ADAMTS9: variants seen among roughly 807,000 people sequenced by gnomAD.
The protein encoded by ADAMTS9 is ADAM metallopeptidase with thrombospondin type 1 motif 9.
A neutral mutation model predicts 257.1 loss-of-function variants in ADAMTS9; 107 were observed. That is an observed-to-expected ratio of 0.42 (90% confidence interval 0.36 to 0.49). The LOEUF (loss-of-function observed/expected upper bound fraction) is 0.49. ADAMTS9 is among the 20% of genes least tolerant of loss of function. The pLI is 0.03. For missense variants in ADAMTS9, 2,353 were observed against 2,469.1 expected (o/e 0.95, Z 1.00); for synonymous variants, 982 against 880.9 (o/e 1.11, Z -2.03).
chr3:64,681,426 C>A, intron 2 of ADAMTS9, 63 bp from the exon 3 acceptor site: 2 of 1,509,638 alleles, frequency 1.3e-6, no homozygotes, highest in South Asian at 2.6e-5. Context: ...GGAAAAAAAC[C>A]AAAAGAACAT....
At chr3:64,647,749 A>G (rs1338388824) in intron 11 of ADAMTS9, among the ~76,000 whole-genome samples, 191 bp downstream of exon 11, 2 of 152,264 alleles carry the variant, frequency 1.3e-5, no homozygotes, top group Non-Finnish European at 2.9e-5. Context: ...CTCTGGTATC[A>G]GCATTATGCT....
At chr3:64,531,669 C>A (rs1463192782) in intron 38 of ADAMTS9, among the ~76,000 whole-genome samples, 1 of 152,144 alleles carries the variant, frequency 6.6e-6, no homozygotes, top group East Asian at 1.9e-4. Context: ...GTCTCACCAC[C>A]TTGCCCAGGC....
intron 22 of ADAMTS9, among the ~76,000 whole-genome samples, chr3:64,612,988 ACT>A (rs2084694401): frequency 1.3e-5 from 2 of 152,208 alleles, no homozygotes; most frequent in Admixed American, 1.3e-4. Context: ...CCTGCCAGAG[ACT>A]CTGGTGCTGG....
intron 20 of ADAMTS9, 26 bp downstream of exon 20, chr3:64,615,934 G>A (rs777103399): frequency 6.2e-7 from 1 of 1,611,648 alleles, no homozygotes; most frequent in East Asian, 2.2e-5. Context: ...CATCCAAGAA[G>A]ACTCTTTGAG....
chr3:64,675,829 T>C (rs930933763), intron 3 of ADAMTS9, among the ~76,000 whole-genome samples: 2 of 152,220 alleles, frequency 1.3e-5, no homozygotes, highest in African/African-American at 2.4e-5. Context: ...ATACCTACCC[T>C]ACAATGCTGA....
chr3:64,662,197 T>A (rs982527793), intron 3 of ADAMTS9, among the ~76,000 whole-genome samples: 1 of 152,140 alleles, frequency 6.6e-6, no homozygotes, highest in East Asian at 1.9e-4. Flanking sequence ...CTGTTTAATT[T>A]CCACATACTT....
At chr3:64,656,096 T>G in intron 4 of ADAMTS9, 2 of 437,096 alleles carry the variant, frequency 4.6e-6, no homozygotes, top group Non-Finnish European at 4.2e-6. Context: ...CAAATTTAAA[T>G]TCCTCTGAAA....
intron 38 of ADAMTS9, among the ~76,000 whole-genome samples, chr3:64,528,378 A>T (rs1225152443): frequency 6.6e-6 from 1 of 152,172 alleles, no homozygotes; most frequent in African/African-American, 2.4e-5. Context: ...GGAGCTTGAA[A>T]TTCTGACATT....
chr3:64,522,284 G>C (rs187502212), intron 38 of ADAMTS9, 24 bp from the exon 39 acceptor site: 23 of 1,608,392 alleles, frequency 1.4e-5, no homozygotes, highest in Admixed American at 1.7e-5. Context: ...CATCATGTTA[G>C]CCTGCCTGCT....
chr3:64,545,753 A>G (rs1276799544), intron 32 of ADAMTS9, among the ~76,000 whole-genome samples: 1 of 152,212 alleles, frequency 6.6e-6, no homozygotes, highest in African/African-American at 2.4e-5. Context: ...AACTTAAAGT[A>G]TAATAATAAA....
chr3:64,520,657 C>T (rs2082838319), intron 39 of ADAMTS9, among the ~76,000 whole-genome samples: 3 of 151,992 alleles, frequency 2.0e-5, no homozygotes, highest in Admixed American at 2.0e-4. Flanking sequence ...CATCTATAAC[C>T]AACTGGACTT....
At chr3:64,539,814 T>C (rs943636800) in intron 36 of ADAMTS9, among the ~76,000 whole-genome samples, 3 of 152,220 alleles carry the variant, frequency 2.0e-5, no homozygotes, top group African/African-American at 7.2e-5. Context: ...CATCTTGAAA[T>C]TATTGACAGC....
At chr3:64,579,774 C>A (rs1452851813) in intron 28 of ADAMTS9, among the ~76,000 whole-genome samples, 1 of 152,154 alleles carries the variant, frequency 6.6e-6, no homozygotes, top group Non-Finnish European at 1.5e-5. Flanking sequence ...TTGTTAGAAC[C>A]AAATAAATAA....
Position 64,681,345 on chromosome 3 carries a change from G to C in ADAMTS9, c.535C>G (p.His179Asp). Residue 179 changes from histidine (H) to aspartate (D), a missense_variant, in exon 3 of 40, where the codon CAT becomes GAT. Transcript: ENST00000498707. ...CSGMLGTFRSHDGDYFIEPLQ... is the reference protein window; with the variant it reads ...CSGMLGTFRSDDGDYFIEPLQ... Reference sequence around the variant, plus strand: ...GGTTCAATAAAATAATCCCCATCATGAGACCGGAATGTGCCCAGCTGCAAA... The same window carrying C: ...GGTTCAATAAAATAATCCCCATCATCAGACCGGAATGTGCCCAGCTGCAAA... 1 of 1,612,660 alleles carries C rather than the reference G, an allele frequency of 6.2e-7. No individual in the cohort carries two copies. Among genetic ancestry groups the C allele is most frequent in the South Asian group, 1.1e-5 (1 of 90,866 alleles).
In ADAMTS9 at chr3:64,658,749, G is replaced by A; in HGVS notation, c.722C>T (p.Ala241Val). Reference protein sequence around the residue: ...RHSKDKKKTRARKWGERINLA... With the variant: ...RHSKDKKKTRVRKWGERINLA... ...GTTAATCCTTTCTCCCCATTTTCTT[G>A]CTCTGGTTTTCTTCTTGTCTTTACT... Residue 241 changes from alanine (A) to valine (V), a missense_variant, in exon 4 of 40, where the codon GCA (alanine) becomes GTA (valine). Physicochemically the swap from Ala to Val is moderately conservative, Grantham distance 64. Coordinates refer to ENST00000498707, the MANE Select transcript of ADAMTS9 (RefSeq NM_182920.2). The A allele has an allele frequency of 6.2e-7, 1 of 1,614,030 alleles. No individual in the cohort carries two copies. Among genetic ancestry groups the A allele is most frequent in the Non-Finnish European group, 8.5e-7 (1 of 1,179,996 alleles).
chr3:64,641,735 G>A (rs933385355), intron 12 of ADAMTS9, 113 bp downstream of exon 12: 18 of 1,398,278 alleles, frequency 1.3e-5, no homozygotes, highest in South Asian at 2.8e-5. Flanking sequence ...TGAAGTTTAC[G>A]TTCTTTCTAG....
chr3:64,585,094 C>T (rs972558811), intron 28 of ADAMTS9, among the ~76,000 whole-genome samples: 1 of 152,044 alleles, frequency 6.6e-6, no homozygotes, highest in Non-Finnish European at 1.5e-5. Flanking sequence ...GAGAGAGGCA[C>T]CCAGTTTGAA....
Position 64,687,726 on chromosome 3 carries a change from A to T in ADAMTS9, c.-69T>A. 1 of 1,252,978 alleles carries T rather than the reference A, an allele frequency of 8.0e-7. No individual in the cohort carries two copies. The highest frequency in any genetic ancestry group is 1.7e-5 in the South Asian group (1 of 59,238). The allele number at this position is 1,252,978 out of a possible 1,614,324, so 77.6% of individuals were successfully genotyped here. A position where few individuals can be genotyped will look rare whatever the true frequency, so the allele number is the denominator to read the frequency against. ...CCTGCCCTCCTTGGCTGCGGCGGCG[A>T]CGCGAGGCAGCGGCCGTGGAGAGCG... On this transcript the variant is annotated 5_prime_UTR_variant, in exon 1 of 40. Transcript: ENST00000498707. The surrounding 1 kb of genome is among the most constrained non-coding windows in gnomAD (Gnocchi z 4.4).
intron 30 of ADAMTS9, among the ~76,000 whole-genome samples, chr3:64,560,399 A>G (rs1484149220): frequency 6.6e-6 from 1 of 152,182 alleles, no homozygotes; most frequent in Non-Finnish European, 1.5e-5. Context: ...ACTGCAACCA[A>G]TGGAAGTAAT....
Sources: gnomAD v4.1 joint callset for allele counts (sites outside exome capture counted in the v4.1 genomes callset) on GRCh38, gnomAD v4.1.1 for gene constraint, Gnocchi (gnomAD v3.1) non-coding constraint, MANE v1.5 for transcripts, NCBI Gene and HGNC (gene_info 2026-07-23, HGNC 2026-07-21) for gene names.